Variants in TSHZ3 observed in about 807,000 individuals in gnomAD.
TSHZ3 encodes the protein teashirt homolog 3.
In TSHZ3, 10 loss-of-function variants were observed where a neutral mutation model predicts 64.5. That is an observed-to-expected ratio of 0.16 (90% CI 0.10 to 0.26). The LOEUF (loss-of-function observed/expected upper bound fraction) is 0.26, where lower values mean the gene tolerates loss of function less well. TSHZ3 is among the 10% of genes least tolerant of loss of function. TSHZ3 has a pLI of 1.00. For missense variants in TSHZ3, 1,242 were observed against 1,421.7 expected, an observed-to-expected ratio of 0.87 and a Z score of 2.03; for synonymous variants, 608 against 593.1, an observed-to-expected ratio of 1.03 and a Z score of -0.36.
chr19:31,233,935 CAAAA>C (rs35438995), intron 3 of TSHZ3, among the ~76,000 whole-genome samples: 3 of 118,178 alleles, frequency 2.5e-5, no homozygotes, highest in Non-Finnish European at 1.8e-5. Context: ...TAATTCCTAC[CAAAA>C]AAAAAAAAAA....
chr19:31,152,601 T>C (rs1974256611), intron 6 of TSHZ3, among the ~76,000 whole-genome samples: 1 of 152,082 alleles, frequency 6.6e-6, no homozygotes. Context: ...GTGCCAGAGC[T>C]CTAGGGCCCT....
chr19:31,163,714 G>A (rs1258835904), intron 5 of TSHZ3, among the ~76,000 whole-genome samples: 2 of 152,202 alleles, frequency 1.3e-5, no homozygotes, highest in Non-Finnish European at 2.9e-5. Context: ...CTGGGTGACA[G>A]AATGGAACTG....
intron 1 of TSHZ3, among the ~76,000 whole-genome samples, chr19:31,341,062 G>A (rs1241911984): frequency 1.3e-5 from 2 of 152,154 alleles, no homozygotes; most frequent in African/African-American, 4.8e-5. Context: ...CAATATAGAT[G>A]GGGGAAGGCA....
In TSHZ3 at chr19:31,276,882, T is replaced by C; in HGVS notation, c.2911A>G (p.Thr971Ala). 4.3e-6 allele frequency: 7 copies of C among 1,614,206 alleles called. No individual in the cohort carries two copies. Among genetic ancestry groups the C allele is most frequent in the African/African-American group, 1.3e-5 (1 of 75,058 alleles). ...GGTKFLKNLD[T>A]GHPVFFCNDC... The stretch of plus-strand genomic sequence containing the variant: ...TTACAAAAGAAGACGGGGTGGCCAG[T>C]GTCCAAGTTTTTGAGGAACTTTGTT... The change falls in exon 2 of 2, where the codon ACT (threonine) becomes GCT (alanine). Residue 971 changes from threonine (T) to alanine (A), a missense_variant. By Grantham distance (58) the Thr-to-Ala change is moderately conservative. Transcript: ENST00000240587.
intron 1 of TSHZ3, among the ~76,000 whole-genome samples, chr19:31,315,742 C>T (rs1418750508): frequency 5.3e-5 from 8 of 152,126 alleles, no homozygotes; most frequent in Non-Finnish European, 1.2e-4. Flanking sequence ...AAACACAAAC[C>T]ATTAAGTTTG....
At chr19:31,268,631 T>C (rs1976089919) in intron 1 of TSHZ3, among the ~76,000 whole-genome samples, 1 of 152,130 alleles carries the variant, frequency 6.6e-6, no homozygotes, top group Non-Finnish European at 1.5e-5. Context: ...CCTCCTAGGA[T>C]GGCTGGGGAG....
chr19:31,178,064 A>G (rs1198877617), intron 5 of TSHZ3, among the ~76,000 whole-genome samples: 3 of 152,210 alleles, frequency 2.0e-5, no homozygotes, highest in African/African-American at 7.2e-5. Context: ...CATCATGTCA[A>G]TCTCACAGCA....
intron 1 of TSHZ3, among the ~76,000 whole-genome samples, chr19:31,309,027 G>T (rs753438289): frequency 6.6e-6 from 1 of 152,250 alleles, no homozygotes; most frequent in Non-Finnish European, 1.5e-5. Flanking sequence ...AGTGACCACC[G>T]TGCTGTTGGC....
intron 4 of TSHZ3, among the ~76,000 whole-genome samples, chr19:31,213,322 A>G (rs1975283863): frequency 7.8e-6 from 1 of 127,752 alleles, no homozygotes; most frequent in Non-Finnish European, 1.6e-5. Context: ...ACACCACTGC[A>G]CTCCAGCCTG....
chr19:31,271,495 G>T (rs908187229), downstream of TSHZ3, among the ~76,000 whole-genome samples: 1 of 152,174 alleles, frequency 6.6e-6, no homozygotes, highest in Non-Finnish European at 1.5e-5. Context: ...AGGTGAGGTC[G>T]GTTCTATCAC....
chr19:31,227,651 G>C (rs1021886034), intron 4 of TSHZ3, among the ~76,000 whole-genome samples: 2 of 152,128 alleles, frequency 1.3e-5, no homozygotes, highest in African/African-American at 4.8e-5. Context: ...TGTTCCACCT[G>C]TGGGCTTTAT....
intron 1 of TSHZ3, among the ~76,000 whole-genome samples, chr19:31,265,137 C>G (rs912441216): frequency 1.3e-5 from 2 of 152,018 alleles, no homozygotes; most frequent in Non-Finnish European, 2.9e-5. Context: ...TGGATCATGC[C>G]TGTAATCCTA....
intron 4 of TSHZ3, among the ~76,000 whole-genome samples, chr19:31,227,353 G>A (rs2145172940): frequency 6.6e-6 from 1 of 152,166 alleles, no homozygotes; most frequent in South Asian, 2.1e-4. Context: ...GAGAGTTACT[G>A]AGTCAAAAGT....
intron 1 of TSHZ3, among the ~76,000 whole-genome samples, chr19:31,339,849 C>A (rs537940795): frequency 6.7e-6 from 1 of 149,280 alleles, no homozygotes; most frequent in African/African-American, 2.5e-5. Flanking sequence ...AGGCCACGCA[C>A]GTGTCGAAGT....
intron 4 of TSHZ3, among the ~76,000 whole-genome samples, chr19:31,208,989 G>A (rs1382557073): frequency 1.3e-5 from 2 of 152,156 alleles, no homozygotes; most frequent in African/African-American, 4.8e-5. Flanking sequence ...GGAGCAGTCA[G>A]GATCCCGATG....
intron 1 of TSHZ3, among the ~76,000 whole-genome samples, chr19:31,344,986 A>C (rs898168908): frequency 3.3e-5 from 5 of 152,192 alleles, no homozygotes; most frequent in African/African-American, 1.2e-4. Flanking sequence ...AACAGCTCAC[A>C]ATCAAGTGTG....
At chr19:31,343,702 G>C (rs1203981644) in intron 1 of TSHZ3, among the ~76,000 whole-genome samples, 2 of 151,476 alleles carry the variant, frequency 1.3e-5, no homozygotes, top group East Asian at 1.9e-4. Context: ...CCATTTCTAA[G>C]CGTAAATTTC....
chr19:31,155,790 G>T (rs1211173858), intron 6 of TSHZ3, among the ~76,000 whole-genome samples: 1 of 152,094 alleles, frequency 6.6e-6, no homozygotes, highest in Non-Finnish European at 1.5e-5. Flanking sequence ...TGCCCTAAAT[G>T]CTCCCCTCCA....
chr19:31,310,096 C>T (rs996477134), intron 1 of TSHZ3, among the ~76,000 whole-genome samples: 5 of 152,148 alleles, frequency 3.3e-5, no homozygotes, highest in African/African-American at 2.4e-5. Context: ...TGAGTTTGAG[C>T]GACATCTCCT....
Sources: gnomAD v4.1 joint callset for allele counts (sites outside exome capture counted in the v4.1 genomes callset) on GRCh38, gnomAD v4.1.1 for gene constraint, MANE v1.5 for transcripts, NCBI Gene and HGNC (gene_info 2026-07-23, HGNC 2026-07-21) for gene names.